Variants in PHACTR3 observed in about 807,000 individuals in gnomAD.
The protein encoded by PHACTR3 is protein phosphatase 1, regulatory subunit 123.
In PHACTR3, 16 loss-of-function variants were observed where a neutral mutation model predicts 66.8. That is an observed-to-expected ratio of 0.24 (90% confidence interval 0.16 to 0.36). PHACTR3 has a LOEUF of 0.36. Ranked by LOEUF, PHACTR3 falls within the 10% of genes least tolerant of loss-of-function variation. The pLI is 1.00. For synonymous variants in PHACTR3, 323 were observed against 292.1 expected, an observed-to-expected ratio of 1.11 and a Z score of -1.08; for missense variants, 647 against 719.9, an observed-to-expected ratio of 0.90 and a Z score of 1.16.
At chr20:59,751,867 C>T (rs565166592) in intron 3 of PHACTR3, among the ~76,000 whole-genome samples, 3 of 152,166 alleles carry the variant, frequency 2.0e-5, no homozygotes, top group African/African-American at 7.2e-5. Flanking sequence ...TAAGTGAGGC[C>T]AGACCAAATC....
chr20:59,740,270 G>A lies in PHACTR3; in HGVS notation c.119-2837G>A, dbSNP rs1466335444. On this transcript the variant is annotated intron_variant, in intron 1 of 12. Transcript: ENST00000371015. ...ATAACATGAACTATTAATAAACTGTGTATTGTGGATGTTTATCTTTGTTTT... is the reference window on the plus strand; with the variant it reads ...ATAACATGAACTATTAATAAACTGTATATTGTGGATGTTTATCTTTGTTTT... Among the ~76,000 whole-genome samples the A allele has an allele frequency of 2.0e-5, 3 of 152,030 alleles. No homozygotes were observed. The East Asian group carries it at 5.8e-4, about 29-fold the overall frequency.
intron 1 of PHACTR3, among the ~76,000 whole-genome samples, chr20:59,678,081 C>T (rs143518626): frequency 8.4e-4 from 128 of 152,292 alleles, no homozygotes; most frequent in African/African-American, 3.0e-3. Context: ...ACATTTTCTT[C>T]TGTTCCTGAG....
At chr20:59,607,321 C>G (rs901710949) in intron 1 of PHACTR3, among the ~76,000 whole-genome samples, 1 of 152,148 alleles carries the variant, frequency 6.6e-6, no homozygotes, top group Non-Finnish European at 1.5e-5. Flanking sequence ...TCAGTCACTT[C>G]TTGGAAAGTC....
At chr20:59,594,556 A>T (rs2033271969) in intron 1 of PHACTR3, among the ~76,000 whole-genome samples, 1 of 152,180 alleles carries the variant, frequency 6.6e-6, no homozygotes, top group African/African-American at 2.4e-5. Flanking sequence ...CATCTAGGTC[A>T]TCAAATTTGT....
chr20:59,840,560 C>T (rs2059040235), intron 10 of PHACTR3, 130 bp downstream of exon 10: 5 of 1,361,276 alleles, frequency 3.7e-6, no homozygotes, highest in Non-Finnish European at 4.9e-6. Flanking sequence ...GACATCATGG[C>T]ATCAGTTAAA....
intron 1 of PHACTR3, among the ~76,000 whole-genome samples, chr20:59,711,225 A>T (rs1243404338): frequency 6.6e-6 from 1 of 152,206 alleles, no homozygotes; most frequent in Admixed American, 6.5e-5. Flanking sequence ...TTATGTAAAC[A>T]TTCCTCTTAC....
chr20:59,584,186 G>A (rs899094266), intron 1 of PHACTR3, among the ~76,000 whole-genome samples: 8 of 152,356 alleles, frequency 5.3e-5, no homozygotes, highest in African/African-American at 1.9e-4. Flanking sequence ...GGACAAGTGT[G>A]TGTGAACGTG....
rs189427917 is a variant in PHACTR3, at chr20:59,836,622, T to A, written c.1384+62T>A. ...ACGTGTGGTGAGGCTGTTGCACAAA[T>A]CCTGAGTTCCCATAACCCAGCCCTT... On this transcript the variant is annotated intron_variant, in intron 9 of 12. Transcript: ENST00000371015. 1,003 of 1,532,316 alleles carry A rather than the reference T, an allele frequency of 6.5e-4. 5 individuals are homozygous for A. In the African/African-American group the frequency reaches 0.013, roughly 20 times the overall value. The allele number at this position is 1,532,316 out of a possible 1,614,324, so 94.9% of individuals were successfully genotyped here.
intron 1 of PHACTR3, among the ~76,000 whole-genome samples, chr20:59,645,126 TC>T (rs1196976967): frequency 3.3e-5 from 5 of 152,150 alleles, no homozygotes; most frequent in Non-Finnish European, 1.5e-5. Context: ...TATTTGGTTT[TC>T]TATTTCTGCG....
upstream of PHACTR3, among the ~76,000 whole-genome samples, chr20:59,602,210 G>A (rs1367130810): frequency 6.6e-6 from 1 of 152,084 alleles, no homozygotes; most frequent in African/African-American, 2.4e-5. Flanking sequence ...TAGTGCCGTG[G>A]TCCCCCCCAC....
In PHACTR3 at chr20:59,717,802, A is replaced by G. The variant is rs73144822; in HGVS notation, c.119-25305A>G. On this transcript the variant is annotated intron_variant, in intron 1 of 12. Transcript: ENST00000371015. The stretch of plus-strand genomic sequence containing the variant: ...AGAATGGCATTTTTTAGAAGTCTGA[A>G]GTCTAAGAAAACCTCTGCAAAAATT... 7.4e-3 allele frequency among the ~76,000 whole-genome samples: 1,134 copies of G among 152,340 alleles called. 6 individuals are homozygous for G. The highest frequency in any genetic ancestry group is 0.051 in the Middle Eastern group (15 of 294).
At chr20:59,619,973 T>C (rs1051554802) in intron 1 of PHACTR3, among the ~76,000 whole-genome samples, 24 of 152,216 alleles carry the variant, frequency 1.6e-4, no homozygotes, top group African/African-American at 5.3e-4. Flanking sequence ...GCTGTGAAAG[T>C]GTCAGGGCCC....
chr20:59,741,465 C>A (rs1017772516), intron 1 of PHACTR3, among the ~76,000 whole-genome samples: 1 of 152,158 alleles, frequency 6.6e-6, no homozygotes. Context: ...CCAGAAGAAA[C>A]GTCCCTTCCC....
At chr20:59,819,552 A>G (rs1389872927) in intron 8 of PHACTR3, among the ~76,000 whole-genome samples, 2 of 151,600 alleles carry the variant, frequency 1.3e-5, no homozygotes, top group Non-Finnish European at 2.9e-5. Flanking sequence ...AAAAAAAAAA[A>G]AGAAAACAAA....
rs755478422 is a variant in PHACTR3, at chr20:59,830,867, G to A, written c.1329-5638G>A. On this transcript the variant is annotated intron_variant, in intron 8 of 12. Transcript: ENST00000371015. This position sits in a 1 kb window ranked among gnomAD's most constrained non-coding sequence, Gnocchi z 5.8. The stretch of plus-strand genomic sequence containing the variant: ...AATCCTAGCTCTGTGCCAGTGCTGG[G>A]GCACCAGTGCTGACTGTGGAATAGA... Among the ~76,000 whole-genome samples, 1 of 152,128 alleles carries A rather than the reference G, an allele frequency of 6.6e-6. No individual in the cohort carries two copies. Among genetic ancestry groups the A allele is most frequent in the Non-Finnish European group, 1.5e-5 (1 of 68,016 alleles).
chr20:59,840,569 A>C (rs1232014615), intron 10 of PHACTR3, 139 bp downstream of exon 10: 1 of 1,334,492 alleles, frequency 7.5e-7, no homozygotes, highest in African/African-American at 1.5e-5. Context: ...GCATCAGTTA[A>C]ATCAGGATAT....
intron 8 of PHACTR3, among the ~76,000 whole-genome samples, chr20:59,822,023 C>T (rs2042050546): frequency 1.7e-5 from 2 of 114,520 alleles, no homozygotes; most frequent in South Asian, 7.5e-4. Context: ...CCCCAGCGAT[C>T]CCACCCCTTC....
intron 7 of PHACTR3, among the ~76,000 whole-genome samples, chr20:59,785,125 G>A (rs979927791): frequency 7.9e-5 from 12 of 152,298 alleles, no homozygotes; most frequent in African/African-American, 2.9e-4. Flanking sequence ...GCCGTAACAG[G>A]ATACCACAGA....
chr20:59,621,004 G>A (rs982203292), intron 1 of PHACTR3, among the ~76,000 whole-genome samples: 3 of 152,246 alleles, frequency 2.0e-5, no homozygotes, highest in Non-Finnish European at 4.4e-5. Context: ...TCATCTTCTT[G>A]TTGCTGGAAC....
Sources: gnomAD v4.1 joint callset for allele counts (sites outside exome capture counted in the v4.1 genomes callset) on GRCh38, gnomAD v4.1.1 for gene constraint, Gnocchi (gnomAD v3.1) non-coding constraint, MANE v1.5 for transcripts, NCBI Gene and HGNC (gene_info 2026-07-23, HGNC 2026-07-21) for gene names.